NEGR1: variants seen among roughly 807,000 people sequenced by gnomAD.
NEGR1 encodes the protein neuronal growth regulator 1.
In NEGR1, 10 loss-of-function variants were observed where a neutral mutation model predicts 40.9. That is an observed-to-expected ratio of 0.24 (90% confidence interval 0.15 to 0.42). The LOEUF (loss-of-function observed/expected upper bound fraction) is 0.42. Ranked by LOEUF, NEGR1 falls within the 10% of genes least tolerant of loss-of-function variation. The pLI is 1.00. For missense variants in NEGR1, 352 were observed against 438.9 expected, an observed-to-expected ratio of 0.80 and a Z score of 1.77; for synonymous variants, 185 against 166.8, an observed-to-expected ratio of 1.11 and a Z score of -0.84.
At chr1:72,125,620 C>A (rs887177733) in intron 1 of NEGR1, among the ~76,000 whole-genome samples, 3 of 152,064 alleles carry the variant, frequency 2.0e-5, no homozygotes, top group Admixed American at 2.0e-4. Flanking sequence ...AAGGGATATA[C>A]ACAGAGCACA....
intron 1 of NEGR1, among the ~76,000 whole-genome samples, chr1:72,105,768 A>G (rs546262280): frequency 1.3e-4 from 20 of 152,064 alleles, no homozygotes; most frequent in African/African-American, 4.8e-4. Context: ...GAAGGAGGAA[A>G]GATGGAGACC....
At chr1:72,004,044 G>A (rs1357026781) in intron 1 of NEGR1, among the ~76,000 whole-genome samples, 1 of 151,998 alleles carries the variant, frequency 6.6e-6, no homozygotes, top group Non-Finnish European at 1.5e-5. Context: ...TGCCTCATTA[G>A]TTGAGGAGAA....
chr1:71,975,812 C>T (rs1427004072), intron 1 of NEGR1, among the ~76,000 whole-genome samples: 3 of 152,286 alleles, frequency 2.0e-5, no homozygotes, highest in East Asian at 1.9e-4. Flanking sequence ...AGATAATCTC[C>T]GAGATCCCTC....
intron 3 of NEGR1, among the ~76,000 whole-genome samples, chr1:71,734,194 A>AGG (rs1193619788): frequency 6.6e-6 from 1 of 152,202 alleles, no homozygotes; most frequent in Non-Finnish European, 1.5e-5. Flanking sequence ...CCAAAAGAAT[A>AGG]GGACCGGCAA....
At chr1:72,012,856 T>TATATATATAC (rs769682455) in intron 1 of NEGR1, among the ~76,000 whole-genome samples, 30 of 135,210 alleles carry the variant, frequency 2.2e-4, no homozygotes, top group Admixed American at 1.1e-3. Flanking sequence ...TATATATATA[T>TATATATATAC]ACACACACAC....
At chr1:71,957,514 A>C (rs750655551) in intron 1 of NEGR1, among the ~76,000 whole-genome samples, 2 of 152,160 alleles carry the variant, frequency 1.3e-5, no homozygotes, top group African/African-American at 4.8e-5. Flanking sequence ...GTAAATATAA[A>C]TTTTTTGAAA....
intron 4 of NEGR1, among the ~76,000 whole-genome samples, chr1:71,684,202 C>T (rs1046356735): frequency 1.8e-4 from 27 of 151,954 alleles, no homozygotes; most frequent in African/African-American, 6.0e-4. Flanking sequence ...CCCGGGAGGG[C>T]GGAGCTTGCA....
chr1:71,972,004 A>G (rs186093476), intron 1 of NEGR1, among the ~76,000 whole-genome samples: 20 of 152,346 alleles, frequency 1.3e-4, no homozygotes, highest in Admixed American at 3.9e-4. Context: ...TAAATGACAG[A>G]AATGAACTAT....
At chr1:71,449,133 C>A (rs1399974501) in intron 6 of NEGR1, among the ~76,000 whole-genome samples, 1 of 152,150 alleles carries the variant, frequency 6.6e-6, no homozygotes, top group African/African-American at 2.4e-5. Flanking sequence ...ACTCTGTGAA[C>A]CCTAAGCTGA....
chr1:71,824,284 A>G (rs1287249316), intron 2 of NEGR1, among the ~76,000 whole-genome samples: 2 of 151,828 alleles, frequency 1.3e-5, no homozygotes, highest in African/African-American at 4.8e-5. Context: ...CACTTTTTTT[A>G]TTGAAAATAT....
At chr1:71,479,142 C>A (rs961912778) in intron 6 of NEGR1, among the ~76,000 whole-genome samples, 1 of 151,948 alleles carries the variant, frequency 6.6e-6, no homozygotes, top group Non-Finnish European at 1.5e-5. Flanking sequence ...TTTACCATTA[C>A]AGAAATAGCA....
chr1:72,263,561 G>A (rs1655534688), intron 1 of NEGR1, among the ~76,000 whole-genome samples: 1 of 151,518 alleles, frequency 6.6e-6, no homozygotes, highest in African/African-American at 2.4e-5. Flanking sequence ...AAAATCTGCT[G>A]TTATAGTTAA....
At chr1:71,614,742 A>T (rs1650387468) in intron 4 of NEGR1, among the ~76,000 whole-genome samples, 3 of 152,168 alleles carry the variant, frequency 2.0e-5, no homozygotes. Context: ...GAAATCCGGA[A>T]CATTGCCTGA....
intron 3 of NEGR1, among the ~76,000 whole-genome samples, chr1:71,739,452 T>C (rs1655145688): frequency 1.3e-5 from 2 of 151,766 alleles, no homozygotes; most frequent in Admixed American, 1.3e-4. Context: ...TTACTAGTTC[T>C]GTCCTTCTAG....
At chr1:72,240,788 T>C (rs1253251829) in intron 1 of NEGR1, among the ~76,000 whole-genome samples, 1 of 151,874 alleles carries the variant, frequency 6.6e-6, no homozygotes, top group Non-Finnish European at 1.5e-5. Context: ...CAGAGAGTTC[T>C]TTTCCAACAT....
chr1:71,453,598 A>G (rs1441322470), intron 6 of NEGR1, among the ~76,000 whole-genome samples: 1 of 152,180 alleles, frequency 6.6e-6, no homozygotes, highest in Non-Finnish European at 1.5e-5. Flanking sequence ...CTTATCATTG[A>G]TAGAATTACA....
intron 2 of NEGR1, among the ~76,000 whole-genome samples, chr1:71,878,610 A>T (rs1660498871): frequency 6.6e-6 from 1 of 152,236 alleles, no homozygotes; most frequent in Non-Finnish European, 1.5e-5. Context: ...GAAAAATAAT[A>T]AATAGCTGGA....
chr1:71,963,372 G>A (rs1169465363), intron 1 of NEGR1, among the ~76,000 whole-genome samples: 2 of 152,098 alleles, frequency 1.3e-5, no homozygotes, highest in Admixed American at 6.6e-5. Flanking sequence ...ATAATACAGA[G>A]AACTGTTACT....
chr1:72,169,496 T>G (rs1651887223), intron 1 of NEGR1, among the ~76,000 whole-genome samples: 1 of 152,196 alleles, frequency 6.6e-6, no homozygotes, highest in Admixed American at 6.5e-5. Context: ...CTGAACTTAG[T>G]GTATAATCTT....
Sources: gnomAD v4.1 joint callset for allele counts (sites outside exome capture counted in the v4.1 genomes callset) on GRCh38, gnomAD v4.1.1 for gene constraint, MANE v1.5 for transcripts, NCBI Gene and HGNC (gene_info 2026-07-23, HGNC 2026-07-21) for gene names.